The following DGKI variants were observed in gnomAD, a reference collection of about 807,000 sequenced individuals.
DGKI encodes the protein diacylglycerol kinase iota, also known as DAG kinase iota.
Under a neutral mutation model 147.5 loss-of-function variants are expected in DGKI, and 55 were observed. The observed-to-expected ratio is 0.37, with a 90% CI of 0.30 to 0.47. DGKI has a LOEUF of 0.47. DGKI is among the 20% of genes least tolerant of loss of function. The pLI is 1.00. For missense variants in DGKI, 1,007 were observed against 1,323.8 expected, an observed-to-expected ratio of 0.76 and a Z score of 3.71; for synonymous variants, 469 against 477.1, an observed-to-expected ratio of 0.98 and a Z score of 0.22.
At chr7:137,581,952 G>A in intron 14 of DGKI, 24 bp from the exon 15 acceptor site, 2 of 1,602,896 alleles carry the variant, frequency 1.2e-6, no homozygotes, top group Non-Finnish European at 1.7e-6. Context: ...CAAAGACAGA[G>A]GCAAAATTTT....
intron 1 of DGKI, among the ~76,000 whole-genome samples, chr7:137,806,155 A>G (rs146269146): frequency 6.6e-6 from 1 of 152,224 alleles, no homozygotes; most frequent in Admixed American, 6.5e-5. Context: ...TGATGGCTTT[A>G]GAAGGCAGGG....
chr7:137,448,754 G>A (rs1813832123), intron 27 of DGKI, among the ~76,000 whole-genome samples: 1 of 150,024 alleles, frequency 6.7e-6, no homozygotes, highest in Non-Finnish European at 1.5e-5. Context: ...AAGGAAGGGA[G>A]GTAGGGGTAA....
intron 28 of DGKI, among the ~76,000 whole-genome samples, chr7:137,424,451 C>T (rs1036553970): frequency 5.9e-5 from 9 of 152,150 alleles, no homozygotes; most frequent in South Asian, 2.1e-4. Flanking sequence ...CAGCTCCCAG[C>T]GTGAGTGACG....
intron 1 of DGKI, among the ~76,000 whole-genome samples, chr7:137,792,488 GCAC>G (rs1796885520): frequency 6.6e-6 from 1 of 152,198 alleles, no homozygotes. Context: ...CTACTCGATA[GCAC>G]CAGGAGGTTC....
At chr7:137,551,886 CA>C (rs1189877401) in intron 20 of DGKI, among the ~76,000 whole-genome samples, 2 of 152,092 alleles carry the variant, frequency 1.3e-5, no homozygotes, top group African/African-American at 2.4e-5. Flanking sequence ...AGGAAGGGAA[CA>C]ATTCACTGGC....
In DGKI at chr7:137,474,116, G is replaced by A. The variant is rs952185338; in HGVS notation, c.2374-4497C>T. Among the ~76,000 whole-genome samples the A allele has an allele frequency of 2.6e-4, 40 of 151,670 alleles. 1 individual carries two copies. Among genetic ancestry groups the A allele is most frequent in the South Asian group, 2.1e-4 (1 of 4,822 alleles). ...CAGCTACTCACATAATAGGTCCTAC[G>A]TTAAAAGTCATTTGAATTCCAATGA... is the stretch of plus-strand genomic sequence containing the variant. On this transcript the variant is annotated intron_variant, in intron 23 of 32. Coordinates refer to ENST00000614521, the MANE Select transcript of DGKI (RefSeq NM_001321708.2).
At chr7:137,552,268 T>C (rs891892942) in intron 20 of DGKI, 101 bp downstream of exon 20, 95 of 1,289,400 alleles carry the variant, frequency 7.4e-5, no homozygotes, top group Non-Finnish European at 9.8e-5. Context: ...TGGACTTTTT[T>C]CCTCTTCCCA....
chr7:137,602,815 C>A (rs1228888765), intron 10 of DGKI, among the ~76,000 whole-genome samples: 2 of 152,012 alleles, frequency 1.3e-5, no homozygotes, highest in Non-Finnish European at 2.9e-5. Flanking sequence ...AACTCTCCAG[C>A]ACTCTCATAG....
Position 137,598,996 on chromosome 7 carries a change from G to A in DGKI, c.1250+827C>T, listed in dbSNP as rs552808847. Among the ~76,000 whole-genome samples the A allele has an allele frequency of 3.7e-4, 57 of 152,206 alleles. No homozygotes were observed. The South Asian group carries it at 6.0e-3, about 16-fold the overall frequency. On this transcript the variant is annotated intron_variant, in intron 11 of 32. Transcript: ENST00000614521. ...TTCCTAATCTGCATGCTTAAAATAAGTAATTTATCCATTTTATACAAGAAT... is the reference window on the plus strand; with the variant it reads ...TTCCTAATCTGCATGCTTAAAATAAATAATTTATCCATTTTATACAAGAAT...
intron 32 of DGKI, among the ~76,000 whole-genome samples, chr7:137,392,011 A>G (rs549043358): frequency 1.2e-4 from 19 of 152,310 alleles, no homozygotes; most frequent in African/African-American, 4.6e-4. Flanking sequence ...AACCACTACT[A>G]ACCTTCCATT....
intron 1 of DGKI, among the ~76,000 whole-genome samples, chr7:137,816,845 A>G (rs1207526615): frequency 6.6e-6 from 1 of 152,174 alleles, no homozygotes; most frequent in Non-Finnish European, 1.5e-5. Flanking sequence ...AAAGATCCGA[A>G]GAAGGGAGTC....
chr7:137,678,002 T>C (rs913260735), intron 3 of DGKI, among the ~76,000 whole-genome samples: 3 of 152,202 alleles, frequency 2.0e-5, no homozygotes, highest in Non-Finnish European at 4.4e-5. Flanking sequence ...CAAAGCAAAT[T>C]TTAAACAACA....
At chr7:137,666,592 C>T (rs929190422) in intron 3 of DGKI, among the ~76,000 whole-genome samples, 2 of 152,120 alleles carry the variant, frequency 1.3e-5, no homozygotes, top group African/African-American at 2.4e-5. Flanking sequence ...ACAAGCATGG[C>T]GAAGGGCCTG....
chr7:137,457,737 GT>G (rs1458824138), intron 27 of DGKI, among the ~76,000 whole-genome samples: 1 of 152,032 alleles, frequency 6.6e-6, no homozygotes, highest in Admixed American at 6.5e-5. Flanking sequence ...ACCATTGAAT[GT>G]TTTCCATTAT....
intron 1 of DGKI, among the ~76,000 whole-genome samples, chr7:137,733,261 C>T (rs909282234): frequency 6.6e-6 from 1 of 152,014 alleles, no homozygotes; most frequent in African/African-American, 2.4e-5. Context: ...CTCCATTCAG[C>T]ACCTGGTAAC....
chr7:137,555,338 C>T (rs1818188678), intron 19 of DGKI, among the ~76,000 whole-genome samples: 1 of 151,862 alleles, frequency 6.6e-6, no homozygotes, highest in South Asian at 2.1e-4. Flanking sequence ...CCAGCTAGGG[C>T]AACATAGTCA....
intron 21 of DGKI, among the ~76,000 whole-genome samples, chr7:137,490,145 T>C (rs1165124155): frequency 1.3e-5 from 2 of 152,210 alleles, no homozygotes; most frequent in African/African-American, 4.8e-5. Flanking sequence ...CACAATTTTA[T>C]AACACGATTA....
chr7:137,678,544 A>G lies in DGKI; in HGVS notation c.606+13T>C, dbSNP rs759359343. 3.7e-6 allele frequency: 6 copies of G among 1,613,322 alleles called. No homozygotes were observed. In the Admixed American group the frequency reaches 6.7e-5, roughly 18 times the overall value. On this transcript the variant is annotated intron_variant, in intron 3 of 32. Coordinates refer to ENST00000614521, the MANE Select transcript of DGKI (RefSeq NM_001321708.2). Reference sequence around the variant, plus strand: ...CACAGGCCTTCCCCCAGCAAGACGGAGCGCACACTCACTGCAAATCTGACT... The same window carrying G: ...CACAGGCCTTCCCCCAGCAAGACGGGGCGCACACTCACTGCAAATCTGACT...
intron 27 of DGKI, among the ~76,000 whole-genome samples, chr7:137,450,239 G>A (rs1813898796): frequency 6.6e-6 from 1 of 152,102 alleles, no homozygotes; most frequent in Non-Finnish European, 1.5e-5. Context: ...TATAGTTAAG[G>A]ATGATACACT....
Sources: allele counts gnomAD v4.1 joint callset (sites outside exome capture counted in the v4.1 genomes callset), GRCh38; gene constraint gnomAD v4.1.1; transcripts MANE v1.5; gene names NCBI Gene and HGNC (gene_info 2026-07-23, HGNC 2026-07-21).